The following KCNN3 variants were observed in gnomAD, a reference collection of about 807,000 sequenced individuals.
KCNN3 encodes potassium calcium-activated channel subfamily N member 3.
Under a neutral mutation model 62.9 loss-of-function variants are expected in KCNN3, and 16 were observed. The observed-to-expected ratio is 0.25, with a 90% CI of 0.17 to 0.39. KCNN3 has a LOEUF of 0.39. KCNN3 is among the 10% of genes least tolerant of loss of function. The pLI is 1.00. For synonymous variants in KCNN3, 370 were observed against 389.2 expected (o/e 0.95, Z 0.58); for missense variants, 599 against 949.4 (o/e 0.63, Z 4.85).
At chr1:154,711,942 AAG>A (rs1437005008) in intron 7 of KCNN3, among the ~76,000 whole-genome samples, 1 of 151,182 alleles carries the variant, frequency 6.6e-6, no homozygotes, top group Non-Finnish European at 1.5e-5. Flanking sequence ...AAGGGAGAGG[AAG>A]AGAGAGACAG....
chr1:154,747,820 T>A (rs1700973214), intron 3 of KCNN3, among the ~76,000 whole-genome samples: 1 of 152,144 alleles, frequency 6.6e-6, no homozygotes, highest in African/African-American at 2.4e-5. Context: ...TGCCGCATCT[T>A]ATGACACCCC....
chr1:154,733,136 T>G lies in KCNN3; in HGVS notation c.1457A>C (p.Asp486Ala), dbSNP rs1462534450. ...AAAGTTACTAGTTACGTCCTGCTGG[T>G]CATGGTACCTGCCAATGGGAAGACA... ...WTVRVCERYH[D>A]QQDVTSNFLG... The change falls in exon 4 of 8, where the codon GAC becomes GCC. Residue 486 changes from aspartate (D) to alanine (A), a missense_variant. By Grantham distance (126) the Asp-to-Ala change is moderately radical. Transcript: ENST00000271915. The G allele has an allele frequency of 6.2e-7, 1 of 1,614,040 alleles. No individual in the cohort carries two copies. Among genetic ancestry groups the G allele is most frequent in the Non-Finnish European group, 8.5e-7 (1 of 1,180,030 alleles).
At position 154,771,909 on chromosome 1, in the gene KCNN3, C is replaced by T. The variant is rs771376535; in HGVS notation, c.1448+66G>A. On this transcript the variant is annotated intron_variant, in intron 3 of 7. Transcript: ENST00000271915. The stretch of plus-strand genomic sequence containing the variant: ...CATCAGACCACATACTTCCTGGCAC[C>T]CCTACTCCTCCTCCCTTCCCTGTCC... 22 of 1,521,704 alleles carry T rather than the reference C, an allele frequency of 1.4e-5. No individual in the cohort carries two copies. The African/African-American group carries it at 2.2e-4, about 15-fold the overall frequency. The allele number at this position is 1,521,704 out of a possible 1,614,324, so 94.3% of individuals were successfully genotyped here.
chr1:154,709,260 T>C (rs568098306), intron 7 of KCNN3, among the ~76,000 whole-genome samples: 8 of 152,288 alleles, frequency 5.3e-5, no homozygotes, highest in African/African-American at 1.9e-4. Context: ...TACATCAGAC[T>C]TGGGAACAAG....
intron 1 of KCNN3, among the ~76,000 whole-genome samples, chr1:154,851,683 C>A (rs779575747): frequency 1.3e-5 from 2 of 152,180 alleles, no homozygotes; most frequent in Non-Finnish European, 2.9e-5. Flanking sequence ...AAGGGTCCAG[C>A]CACTTTTTAC....
At chr1:154,829,268 CTGAGGGAGAAAACCCACAAG>C (rs1357578387) in intron 1 of KCNN3, among the ~76,000 whole-genome samples, 3 of 152,238 alleles carry the variant, frequency 2.0e-5, no homozygotes, top group Non-Finnish European at 4.4e-5. Flanking sequence ...GAAGCCCAGG[CTGAGGGAGAAAACCCACAAG>C]TGGTTCCTTT....
intron 2 of KCNN3, among the ~76,000 whole-genome samples, chr1:154,782,757 A>G (rs1030961796): frequency 1.3e-5 from 2 of 152,228 alleles, no homozygotes; most frequent in Non-Finnish European, 1.5e-5. Context: ...GGAGTCATAC[A>G]TCCATTTAGC....
rs977060224 is a variant in KCNN3 at position 154,715,112 on chromosome 1, A to G, written c.1702-109T>C. ...TAAGGAAACGATTTTGCAATGATCT[A>G]TTTTCTTAACCAAAATCACGGAACT... On this transcript the variant is annotated intron_variant, in intron 5 of 7. Transcript: ENST00000271915. The G allele has an allele frequency of 1.0e-5, 14 of 1,359,418 alleles. No individual in the cohort carries two copies. In the African/African-American group the frequency reaches 2.0e-4, roughly 20 times the overall value. The allele number at this position is 1,359,418 out of a possible 1,614,324, so 84.2% of individuals were successfully genotyped here. A position where few individuals can be genotyped will look rare whatever the true frequency, so the allele number is the denominator to read the frequency against.
chr1:154,730,158 A>G (rs1700562971), intron 4 of KCNN3, among the ~76,000 whole-genome samples: 1 of 152,268 alleles, frequency 6.6e-6, no homozygotes, highest in African/African-American at 2.4e-5. Flanking sequence ...CACCATGATC[A>G]TGAAAAATCC....
At chr1:154,813,508 C>A (rs529530921) in intron 2 of KCNN3, among the ~76,000 whole-genome samples, 1 of 152,230 alleles carries the variant, frequency 6.6e-6, no homozygotes, top group East Asian at 1.9e-4. Context: ...ACGGACTCTT[C>A]CCGAAACCAG....
At position 154,787,983 on chromosome 1, in the gene KCNN3, G is replaced by A. The variant is rs115643060; in HGVS notation, c.1030-15590C>T. Among the ~76,000 whole-genome samples the A allele has an allele frequency of 3.2e-3, 490 of 152,292 alleles. 2 individuals are homozygous for A. Among genetic ancestry groups the A allele is most frequent in the Non-Finnish European group, 5.4e-3 (370 of 68,010 alleles). ...ATCTGAGGGCTGTGGCATCCACAGT[G>A]CCCTCAGGGTCTTAGATTGGGTCAG... On this transcript the variant is annotated intron_variant, in intron 2 of 7. Transcript: ENST00000271915.
chr1:154,808,168 C>T (rs1283601686), intron 2 of KCNN3, among the ~76,000 whole-genome samples: 1 of 152,170 alleles, frequency 6.6e-6, no homozygotes, highest in Non-Finnish European at 1.5e-5. Flanking sequence ...TCCCCCAACC[C>T]CTTCTCATAG....
At chr1:154,773,740 C>T (rs1028898100) in intron 2 of KCNN3, among the ~76,000 whole-genome samples, 16 of 152,220 alleles carry the variant, frequency 1.1e-4, no homozygotes, top group Non-Finnish European at 1.8e-4. Flanking sequence ...GGCTGTTTCA[C>T]GATGGTGAGA....
chr1:154,841,554 CAG>C lies in KCNN3; in HGVS notation c.934-19372_934-19371del, dbSNP rs553179647. ...TTTTATTAATAAGGAGATTGAAACT[CAG>C]AGAGGTTAAGTCGCTTGCCTAAAGC... On this transcript the variant is annotated intron_variant, in intron 1 of 7. Transcript: ENST00000271915. 2.6e-3 allele frequency among the ~76,000 whole-genome samples: 389 copies of C among 152,264 alleles called. 1 individual carries two copies. The highest frequency in any genetic ancestry group is 0.01 in the Middle Eastern group (3 of 294).
At chr1:154,732,899 C>T in intron 4 of KCNN3, 104 bp downstream of exon 4, 2 of 1,305,010 alleles carry the variant, frequency 1.5e-6, no homozygotes, top group Admixed American at 1.7e-5. Flanking sequence ...AACTAACAGC[C>T]ACCCCCCGCT....
At chr1:154,852,591 T>A (rs772327435) in intron 1 of KCNN3, among the ~76,000 whole-genome samples, 3 of 152,156 alleles carry the variant, frequency 2.0e-5, no homozygotes, top group Non-Finnish European at 4.4e-5. Flanking sequence ...AATGTCTGAT[T>A]GAGATATGCT....
chr1:154,865,607 G>A (rs936787181), intron 1 of KCNN3, among the ~76,000 whole-genome samples: 7 of 152,118 alleles, frequency 4.6e-5, no homozygotes, highest in Admixed American at 1.3e-4. Flanking sequence ...GTTCTGTCCC[G>A]GTTGCTCAAC....
intron 1 of KCNN3, among the ~76,000 whole-genome samples, chr1:154,864,030 C>T (rs1377911558): frequency 6.6e-6 from 1 of 152,172 alleles, no homozygotes; most frequent in African/African-American, 2.4e-5. Flanking sequence ...GCCATTTTCA[C>T]GCTGTCAAAA....
rs146731017 is a variant in KCNN3, at chr1:154,728,779, G to A, written c.1591-2753C>T. Among the ~76,000 whole-genome samples the A allele has an allele frequency of 3.6e-3, 543 of 152,264 alleles. 2 individuals carry two copies. The highest frequency in any genetic ancestry group is 0.012 in the African/African-American group (510 of 41,534). ...AGCAAGGGTCAAGGGGGGAAAGAGA[G>A]AAGGAGGAGGCTGAAGAATAAGAAA... On this transcript the variant is annotated intron_variant, in intron 4 of 7. Transcript: ENST00000271915.
Sources: gnomAD v4.1 joint callset for allele counts (sites outside exome capture counted in the v4.1 genomes callset) on GRCh38, gnomAD v4.1.1 for gene constraint, MANE v1.5 for transcripts, NCBI Gene and HGNC (gene_info 2026-07-23, HGNC 2026-07-21) for gene names.